The following SMARCA2 variants were observed in gnomAD, a reference collection of about 807,000 sequenced individuals.
SMARCA2 encodes the protein SWI/SNF-related matrix-associated actin-dependent regulator of chromatin subfamily A member 2.
Under a neutral mutation model 199.8 loss-of-function variants are expected in SMARCA2, and 61 were observed. The ratio of observed to expected loss-of-function variants is 0.31; its 90% CI spans 0.25 to 0.38. SMARCA2 has a LOEUF of 0.38. Among genes scored for constraint, SMARCA2 ranks in the 10% least tolerant of loss-of-function variants. SMARCA2 has a pLI of 1.00. For missense variants in SMARCA2, 1,344 were observed against 2,012.2 expected (o/e 0.67, Z 6.35); for synonymous variants, 935 against 732.0 (o/e 1.28, Z -4.48).
intron 9 of SMARCA2, among the ~76,000 whole-genome samples, chr9:2,064,387 G>A (rs7034438): frequency 0.017 from 2,618 of 152,264 alleles, 80 homozygotes; most frequent in African/African-American, 0.059. Context: ...TTGTAGTGAG[G>A]ATTACACGGG....
At chr9:2,100,818 G>C (rs187305924) in intron 21 of SMARCA2, among the ~76,000 whole-genome samples, 1 of 152,160 alleles carries the variant, frequency 6.6e-6, no homozygotes, top group East Asian at 1.9e-4. Flanking sequence ...CCAGTTTGAT[G>C]CTGCTGATAA....
rs911974653 is a variant in SMARCA2, at chr9:2,169,651, G to C, written c.4200-768G>C. ...CAGGCACAGGCTGTGAATCCCAAAG[G>C]GTGCTGTCTACACCTGGAGGGAGAT... On this transcript the variant is annotated intron_variant, in intron 28 of 33. Coordinates refer to ENST00000349721, the MANE Select transcript of SMARCA2 (RefSeq NM_003070.5). The surrounding 1 kb of genome is among the most constrained non-coding windows in gnomAD (Gnocchi z 6.5). 6.6e-6 allele frequency among the ~76,000 whole-genome samples: 1 copy of C among 152,030 alleles called. No homozygotes were observed. The highest frequency in any genetic ancestry group is 1.9e-4 in the East Asian group (1 of 5,178).
chr9:2,173,543 T>G (rs970217941), intron 29 of SMARCA2, among the ~76,000 whole-genome samples: 2 of 152,222 alleles, frequency 1.3e-5, no homozygotes, highest in African/African-American at 4.8e-5. Flanking sequence ...GCACCTTTTT[T>G]CATTCATTCT....
chr9:2,033,159 A>G (rs1819150801), intron 3 of SMARCA2, 78 bp downstream of exon 3: 2 of 1,496,840 alleles, frequency 1.3e-6, no homozygotes, highest in African/African-American at 1.4e-5. Context: ...TTTAATTATG[A>G]ATTCCAAAGA....
At chr9:2,147,373 G>A (rs1586754334) in intron 27 of SMARCA2, among the ~76,000 whole-genome samples, 1 of 152,012 alleles carries the variant, frequency 6.6e-6, no homozygotes, top group African/African-American at 2.4e-5. Flanking sequence ...ATTCATTAGG[G>A]TGAGAAAATA....
chr9:2,075,539 G>C (rs143824532), intron 12 of SMARCA2: 1 of 152,448 alleles, frequency 6.6e-6, no homozygotes, highest in African/African-American at 2.4e-5. Context: ...TGCAATGTGT[G>C]ATGTGAATCA....
At position 2,033,035 on chromosome 9, in the gene SMARCA2, C is replaced by T. The variant is rs1171462378; in HGVS notation, c.309C>T (p.His103=). ...AGGGCACTGGTATGCGACCACCTCA[C>T]CCAGGCATGGGCCCTCCCCAGAGTC... The part of the protein sequence containing the change: ...SMKGTGMRPP[H]PGMGPPQSPM... The change falls in exon 3 of 34, where the codon CAC becomes CAT. Residue 103 remains histidine, a synonymous_variant. Transcript: ENST00000349721. The T allele has an allele frequency of 6.2e-7, 1 of 1,614,158 alleles. No individual in the cohort carries two copies. Among genetic ancestry groups the T allele is most frequent in the Admixed American group, 1.7e-5 (1 of 60,032 alleles).
intron 4 of SMARCA2, chr9:2,045,713 C>G (rs1349443349): frequency 6.6e-6 from 1 of 151,866 alleles, no homozygotes; most frequent in African/African-American, 2.4e-5. Flanking sequence ...TTCTCATCAA[C>G]CCCGAGAACC....
In SMARCA2 at chr9:2,097,490, T is replaced by C; in HGVS notation, c.3078+19T>C. 6.7e-7 allele frequency: 1 copy of C among 1,497,070 alleles called. No homozygotes were observed. The highest frequency in any genetic ancestry group is 9.3e-7 in the Non-Finnish European group (1 of 1,077,620). The allele number at this position is 1,497,070 out of a possible 1,614,324, so 92.7% of individuals were successfully genotyped here. ...CATTGAGGTAAGTCTGTATTGTGTGTTTTGAGCCTGATTGTGCTAATCATA... is the reference window on the plus strand; with the variant it reads ...CATTGAGGTAAGTCTGTATTGTGTGCTTTGAGCCTGATTGTGCTAATCATA... On this transcript the variant is annotated intron_variant, in intron 21 of 33. Coordinates refer to ENST00000349721, the MANE Select transcript of SMARCA2 (RefSeq NM_003070.5).
At chr9:2,065,637 G>A (rs1047512582) in intron 9 of SMARCA2, among the ~76,000 whole-genome samples, 28 of 152,284 alleles carry the variant, frequency 1.8e-4, no homozygotes, top group African/African-American at 6.7e-4. Context: ...AAAAGAGCTT[G>A]AAAAGCAAAG....
intron 8 of SMARCA2, among the ~76,000 whole-genome samples, chr9:2,059,064 T>TA (rs1820474311): frequency 6.6e-6 from 1 of 152,236 alleles, no homozygotes; most frequent in African/African-American, 2.4e-5. Flanking sequence ...AATGGGCATA[T>TA]AAGCACAGAA....
intron 28 of SMARCA2, among the ~76,000 whole-genome samples, chr9:2,166,103 C>T (rs1188097947): frequency 6.6e-6 from 1 of 152,204 alleles, no homozygotes; most frequent in Admixed American, 6.5e-5. Context: ...TAAATCTGCT[C>T]TCATTCTGAG....
chr9:2,098,041 A>G (rs1822346519), intron 21 of SMARCA2, among the ~76,000 whole-genome samples: 1 of 152,128 alleles, frequency 6.6e-6, no homozygotes, highest in African/African-American at 2.4e-5. Context: ...GGGAGAGGAC[A>G]TTTTCTGCCA....
intron 29 of SMARCA2, among the ~76,000 whole-genome samples, chr9:2,180,098 G>C (rs56047307): frequency 0.014 from 2,110 of 152,276 alleles, 42 homozygotes; most frequent in African/African-American, 0.045. Flanking sequence ...GTGAGGGGTA[G>C]GGGTGGTTGA....
chr9:2,136,582 T>C (rs2130669954), intron 27 of SMARCA2, among the ~76,000 whole-genome samples: 1 of 152,268 alleles, frequency 6.6e-6, no homozygotes, highest in East Asian at 1.9e-4. Flanking sequence ...TTGTCAAACA[T>C]TGATTAGGTT....
At chr9:2,182,734 A>G (rs1487824667) in intron 31 of SMARCA2, among the ~76,000 whole-genome samples, 2 of 151,024 alleles carry the variant, frequency 1.3e-5, no homozygotes, top group Non-Finnish European at 2.9e-5. Flanking sequence ...ACCTCAGGTG[A>G]TCCGCCTGCC....
intron 32 of SMARCA2, among the ~76,000 whole-genome samples, chr9:2,190,830 T>C (rs1827827577): frequency 6.6e-6 from 1 of 152,224 alleles, no homozygotes; most frequent in African/African-American, 2.4e-5. Flanking sequence ...TGAATTTTCT[T>C]TTTAAGTCAA....
intron 29 of SMARCA2, among the ~76,000 whole-genome samples, chr9:2,178,459 A>G (rs938050918): frequency 4.6e-5 from 7 of 152,208 alleles, no homozygotes; most frequent in Non-Finnish European, 8.8e-5. Flanking sequence ...GTAAAATGAC[A>G]TAATGGAAAA....
intron 32 of SMARCA2, among the ~76,000 whole-genome samples, chr9:2,189,773 G>C (rs989547159): frequency 6.6e-6 from 1 of 152,072 alleles, no homozygotes; most frequent in Non-Finnish European, 1.5e-5. Context: ...ATGGAGGAAA[G>C]GCAAATGCTA....
Sources: gnomAD v4.1 joint callset for allele counts (sites outside exome capture counted in the v4.1 genomes callset) on GRCh38, gnomAD v4.1.1 for gene constraint, Gnocchi (gnomAD v3.1) non-coding constraint, MANE v1.5 for transcripts, NCBI Gene and HGNC (gene_info 2026-07-23, HGNC 2026-07-21) for gene names.